SPNS2: variants seen among roughly 807,000 people sequenced by gnomAD.
The protein encoded by SPNS2 is SPNS lysolipid transporter 2, sphingosine-1-phosphate, also known as sphingosine-1-phosphate transporter SPNS2.
In SPNS2, 37 loss-of-function variants were observed where a neutral mutation model predicts 57.6. The ratio of observed to expected loss-of-function variants is 0.64; its 90% CI spans 0.49 to 0.85. The LOEUF (loss-of-function observed/expected upper bound fraction) is 0.85. SPNS2 is among the 40% of genes least tolerant of loss of function. The pLI is 0.00. For synonymous variants in SPNS2, 440 were observed against 346.9 expected, an observed-to-expected ratio of 1.27 and a Z score of -2.98; for missense variants, 831 against 779.1, an observed-to-expected ratio of 1.07 and a Z score of -0.79.
chr17:4,529,815 C>T (rs545390836), intron 3 of SPNS2, among the ~76,000 whole-genome samples: 5 of 152,256 alleles, frequency 3.3e-5, no homozygotes, highest in Admixed American at 2.6e-4. Context: ...AAAAGAGAGA[C>T]AAGCATGAAG....
At position 4,533,077 on chromosome 17, in the gene SPNS2, G is replaced by C; in HGVS notation, c.1036G>C (p.Val346Leu). The change falls in exon 7 of 13, where the codon GTG (valine) becomes CTG (leucine). Residue 346 changes from valine to leucine, a missense_variant. Physicochemically the swap from Val to Leu is conservative, Grantham distance 32. Transcript: ENST00000329078. Reference protein sequence around the residue: ...IPLYLHRAQVVQKTAETCNSP... With the variant: ...IPLYLHRAQVLQKTAETCNSP... ...GCTCTACCTGCACCGCGCCCAAGTT[G>C]TGCAGAAGACAGCAGAGACGTGCAA... is the stretch of plus-strand genomic sequence containing the variant. 6.2e-7 allele frequency: 1 copy of C among 1,613,306 alleles called. No homozygotes were observed. The highest frequency in any genetic ancestry group is 8.5e-7 in the Non-Finnish European group (1 of 1,179,930).
chr17:4,533,826 C>G lies in SPNS2; in HGVS notation c.1317C>G (p.Asn439Lys), dbSNP rs757136548. The change falls in exon 9 of 13, where the codon AAC becomes AAG. Residue 439 changes from asparagine (N) to lysine (K), a missense_variant. Coordinates refer to ENST00000329078, the MANE Select transcript of SPNS2 (RefSeq NM_001124758.3). ...TCGGGGAGACGCTGCTGTTTTCTAA[C>G]TGGGCCATCACTGCAGACATCCTCA... ...IFVGETLLFSNWAITADILMY... is the reference protein window; with the variant it reads ...IFVGETLLFSKWAITADILMY... 6.2e-7 allele frequency: 1 copy of G among 1,613,134 alleles called. No homozygotes were observed. Among genetic ancestry groups the G allele is most frequent in the East Asian group, 2.2e-5 (1 of 44,846 alleles).
Position 4,533,431 on chromosome 17 carries a change from A to T in SPNS2, c.1277A>T (p.Tyr426Phe). 6.3e-7 allele frequency: 1 copy of T among 1,597,078 alleles called. No individual in the cohort carries two copies. The change falls in exon 8 of 13, where the codon TAT (tyrosine) becomes TTT (phenylalanine). Residue 426 changes from tyrosine (Y) to phenylalanine (F), a missense_variant and splice_region_variant. Around this residue, in one of 2 missense-constraint regions of SPNS2, gnomAD observed 526 missense variants for 400.9 expected, o/e 1.31. Coordinates refer to ENST00000329078, the MANE Select transcript of SPNS2 (RefSeq NM_001124758.3). The stretch of plus-strand genomic sequence containing the variant: ...GCCAAGAGCAGCATCGTAGGAGCCT[A>T]TGTGAGTGCAGCGGGGGTCAAGGGT... Reference protein sequence around the residue: ...VAAKSSIVGAYICIFVGETLL... With the variant: ...VAAKSSIVGAFICIFVGETLL...
rs1905236625 is a variant in SPNS2, at chr17:4,525,256, C to G, written c.573+63C>G. ...CTGGTCCCTCCAGCGAGTGGCTAGT[C>G]TTATTGGCCTGTTGAAGAATCCAGC... On this transcript the variant is annotated intron_variant, in intron 3 of 12. Coordinates refer to ENST00000329078, the MANE Select transcript of SPNS2 (RefSeq NM_001124758.3). The G allele has an allele frequency of 2.5e-6, 4 of 1,579,974 alleles. No individual in the cohort carries two copies. In the South Asian group the frequency reaches 4.5e-5, roughly 18 times the overall value.
rs1301633787 is a variant in SPNS2 at position 4,538,446 on chromosome 17, G to C, written c.*998G>C. On this transcript the variant is annotated 3_prime_UTR_variant, in exon 13 of 13. Transcript: ENST00000329078. ...GGCGGCCCCTACCCAAACACTGGCTGCTGGCATTCCACCAAGTGACCCCAG... is the reference window on the plus strand; with the variant it reads ...GGCGGCCCCTACCCAAACACTGGCTCCTGGCATTCCACCAAGTGACCCCAG... 5.1e-6 allele frequency: 1 copy of C among 196,446 alleles called. No homozygotes were observed. The highest frequency in any genetic ancestry group is 2.5e-5 in the African/African-American group (1 of 40,462). 12.2% of individuals were successfully genotyped at this position (196,446 alleles called of 1,614,324 possible).
chr17:4,538,498 CCTCCCATCCAT>C lies in SPNS2; in HGVS notation c.*1051_*1061del. 4.2e-6 allele frequency: 1 copy of C among 240,634 alleles called. No homozygotes were observed. The highest frequency in any genetic ancestry group is 2.3e-5 in the African/African-American group (1 of 42,708). The allele number at this position is 240,634 out of a possible 1,614,324, so 14.9% of individuals were successfully genotyped here. ...GGGGGGCCAGGCCTTCGATCACCCA[CCTCCCATCCAT>C]GCACACACCAGGATGCAGCTGCCAA... is the stretch of plus-strand genomic sequence containing the variant. On this transcript the variant is annotated 3_prime_UTR_variant, in exon 13 of 13. Transcript: ENST00000329078.
Position 4,499,259 on chromosome 17 carries a change from C to G in SPNS2, c.212C>G (p.Pro71Arg). 1 of 1,465,400 alleles carries G rather than the reference C, an allele frequency of 6.8e-7. No individual in the cohort carries two copies. The highest frequency in any genetic ancestry group is 1.3e-5 in the South Asian group (1 of 76,578). The allele number at this position is 1,465,400 out of a possible 1,614,324, so 90.8% of individuals were successfully genotyped here. A position where few individuals can be genotyped will look rare whatever the true frequency, so the allele number is the denominator to read the frequency against. The part of the protein sequence containing the change: ...SGSVRRAPTG[P>R]PGTPGTPGCA... ...AGCGTAAGGCGGGCCCCGACCGGAC[C>G]CCCCGGCACCCCCGGCACCCCCGGC... The change falls in exon 1 of 13, where the codon CCC becomes CGC. Residue 71 changes from proline (P) to arginine (R), a missense_variant. Physicochemically the swap from Pro to Arg is moderately radical, Grantham distance 103. Transcript: ENST00000329078. This position sits in a 1 kb window ranked among gnomAD's most constrained non-coding sequence, Gnocchi z 5.2.
chr17:4,538,249 C>G lies in SPNS2; in HGVS notation c.*801C>G, dbSNP rs1048648662. 5.0e-6 allele frequency: 1 copy of G among 200,080 alleles called. No homozygotes were observed. The allele number at this position is 200,080 out of a possible 1,614,324, so 12.4% of individuals were successfully genotyped here. The stretch of plus-strand genomic sequence containing the variant: ...AGGGCTTCTCTCCCTGCCACCACCC[C>G]CCAAGCCAGGACCCCACTCCTTCCC... On this transcript the variant is annotated 3_prime_UTR_variant, in exon 13 of 13. Transcript: ENST00000329078.
In SPNS2 at chr17:4,538,642, G is replaced by A. The variant is rs1049599543; in HGVS notation, c.*1194G>A. 1 of 495,090 alleles carries A rather than the reference G, an allele frequency of 2.0e-6. No individual in the cohort carries two copies. Among genetic ancestry groups the A allele is most frequent in the Non-Finnish European group, 3.6e-6 (1 of 276,170 alleles). 30.7% of individuals were successfully genotyped at this position (495,090 alleles called of 1,614,324 possible). A position where few individuals can be genotyped will look rare whatever the true frequency, so the allele number is the denominator to read the frequency against. ...GTTCTGGTGCGGGGGTGGGGTGGGG[G>A]GTGAGGCCTTGTGGCCAATGGGGGA... On this transcript the variant is annotated 3_prime_UTR_variant, in exon 13 of 13. Transcript: ENST00000329078.
intron 2 of SPNS2, among the ~76,000 whole-genome samples, chr17:4,520,013 C>T (rs1905099611): frequency 6.6e-6 from 1 of 152,246 alleles, no homozygotes; most frequent in South Asian, 2.1e-4. Context: ...TGGATCCCAC[C>T]TCCCTCCTGA....
chr17:4,519,098 C>G (rs1246967526), intron 2 of SPNS2, among the ~76,000 whole-genome samples: 1 of 152,224 alleles, frequency 6.6e-6, no homozygotes, highest in Non-Finnish European at 1.5e-5. Context: ...CCGCCCCACC[C>G]ATGCCTGCCT....
intron 9 of SPNS2, among the ~76,000 whole-genome samples, chr17:4,534,092 C>G (rs1905639197): frequency 6.6e-6 from 1 of 152,114 alleles, no homozygotes; most frequent in African/African-American, 2.4e-5. Context: ...GGGGAGGGGG[C>G]ATCTCGAGGC....
At chr17:4,515,772 G>C (rs1316442930) in intron 2 of SPNS2, among the ~76,000 whole-genome samples, 1 of 146,554 alleles carries the variant, frequency 6.8e-6, no homozygotes, top group African/African-American at 2.5e-5. Flanking sequence ...CCAGGGCTGA[G>C]AGCTGGGCTG....
At chr17:4,500,515 CTG>C (rs1369472625) in intron 1 of SPNS2, among the ~76,000 whole-genome samples, 1 of 152,152 alleles carries the variant, frequency 6.6e-6, no homozygotes, top group Non-Finnish European at 1.5e-5. Flanking sequence ...GAGAGCAGTA[CTG>C]TGTGCCTGGC....
intron 3 of SPNS2, among the ~76,000 whole-genome samples, chr17:4,527,428 A>G (rs2144352913): frequency 6.6e-6 from 1 of 152,392 alleles, no homozygotes; most frequent in South Asian, 2.1e-4. Context: ...CTATCTATCC[A>G]TCTGGATTGA....
chr17:4,528,169 C>T (rs534884217), intron 3 of SPNS2, among the ~76,000 whole-genome samples: 45 of 151,518 alleles, frequency 3.0e-4, no homozygotes, highest in Admixed American at 2.3e-3. Flanking sequence ...ATTACAGGCA[C>T]GCGCCACCAC....
intron 11 of SPNS2, 121 bp downstream of exon 11, chr17:4,536,547 C>T (rs2144385496): frequency 8.1e-7 from 1 of 1,235,838 alleles, no homozygotes; most frequent in Non-Finnish European, 1.1e-6. Context: ...ACTCAGTGCA[C>T]CCACTGGTTG....
At position 4,533,335 on chromosome 17, in the gene SPNS2, G is replaced by C. The variant is rs370990590; in HGVS notation, c.1181G>C (p.Arg394Pro). The C allele has an allele frequency of 6.2e-7, 1 of 1,611,790 alleles. No individual in the cohort carries two copies. Among genetic ancestry groups the C allele is most frequent in the African/African-American group, 1.3e-5 (1 of 74,936 alleles). The change falls in exon 8 of 13, where the codon CGG becomes CCG. Residue 394 changes from arginine (R) to proline (P), a missense_variant. Physicochemically the swap from Arg to Pro is moderately radical, Grantham distance 103 (BLOSUM62 -2). Coordinates refer to ENST00000329078, the MANE Select transcript of SPNS2 (RefSeq NM_001124758.3). ...ATRWCRLKTQ[R>P]ADPLVCAVGM... ...CGCTGGTGCCGCCTGAAGACCCAGCGGGCCGACCCACTGGTGTGTGCCGTG... is the reference window on the plus strand; with the variant it reads ...CGCTGGTGCCGCCTGAAGACCCAGCCGGCCGACCCACTGGTGTGTGCCGTG...
In SPNS2 at chr17:4,499,424, G is replaced by T; in HGVS notation, c.370+7G>T. 7.6e-7 allele frequency: 1 copy of T among 1,320,710 alleles called. No homozygotes were observed. The highest frequency in any genetic ancestry group is 9.7e-7 in the Non-Finnish European group (1 of 1,032,466). The allele number at this position is 1,320,710 out of a possible 1,614,324, so 81.8% of individuals were successfully genotyped here. ...GACAGGTACACCGTGGCAGGTGAGC[G>T]AGTGCCCCACCCAGCCCGAGGACCA... On this transcript the variant is annotated splice_region_variant and intron_variant, in intron 1 of 12. Coordinates refer to ENST00000329078, the MANE Select transcript of SPNS2 (RefSeq NM_001124758.3). The surrounding 1 kb of genome is among the most constrained non-coding windows in gnomAD (Gnocchi z 5.2).
Sources: gnomAD v4.1 joint callset for allele counts (sites outside exome capture counted in the v4.1 genomes callset) on GRCh38, gnomAD v4.1.1 for gene constraint, gnomAD v4.1.1 regional missense constraint, Gnocchi (gnomAD v3.1) non-coding constraint, MANE v1.5 for transcripts, NCBI Gene and HGNC (gene_info 2026-07-23, HGNC 2026-07-21) for gene names.